PNKD: variants seen among roughly 807,000 people sequenced by gnomAD.
The protein encoded by PNKD is probable thioesterase PNKD.
A neutral mutation model predicts 45.3 loss-of-function variants in PNKD; 36 were observed. The observed-to-expected ratio is 0.80, with a 90% CI of 0.61 to 1.05. The LOEUF (loss-of-function observed/expected upper bound fraction) is 1.05. Ranked by LOEUF, PNKD falls within the 50% of genes least tolerant of loss-of-function variation. The probability of loss-of-function intolerance (pLI) is 0.00; values close to 1 mark genes in which losing one functional copy is unlikely to be tolerated. For synonymous variants in PNKD, 197 were observed against 210.1 expected (o/e 0.94, Z 0.54); for missense variants, 511 against 506.6 (o/e 1.01, Z -0.08).
At chr2:218,302,305 G>A (rs574730305) in intron 2 of PNKD, among the ~76,000 whole-genome samples, 9 of 152,054 alleles carry the variant, frequency 5.9e-5, no homozygotes, top group East Asian at 1.9e-4. Flanking sequence ...CTGAGATAGC[G>A]CCACTGCACT....
At chr2:218,288,891 C>G (rs1003079723) in intron 2 of PNKD, among the ~76,000 whole-genome samples, 17 of 152,306 alleles carry the variant, frequency 1.1e-4, no homozygotes, top group African/African-American at 4.1e-4. Flanking sequence ...TAAGGCACAT[C>G]TGATCCTTGC....
At chr2:218,270,916 C>T (rs1690804201) in intron 1 of PNKD, 2 of 360,932 alleles carry the variant, frequency 5.5e-6, no homozygotes, top group Admixed American at 4.5e-5. Flanking sequence ...GTTTGAGTTC[C>T]AGCCCCGGAT....
At chr2:218,271,299 T>A in intron 1 of PNKD, 82 bp from the exon 2 acceptor site, 1 of 1,174,746 alleles carries the variant, frequency 8.5e-7, no homozygotes, top group African/African-American at 1.5e-5. Context: ...CAGCCGCTCC[T>A]CCCAAGCCCT....
At chr2:218,307,504 G>A (rs765638127) in intron 2 of PNKD, among the ~76,000 whole-genome samples, 3 of 152,108 alleles carry the variant, frequency 2.0e-5, no homozygotes, top group Non-Finnish European at 4.4e-5. Flanking sequence ...ACAATAGGGT[G>A]CGAGCTCCTA....
intron 2 of PNKD, among the ~76,000 whole-genome samples, chr2:218,281,543 A>G (rs952062864): frequency 6.6e-6 from 1 of 152,216 alleles, no homozygotes; most frequent in African/African-American, 2.4e-5. Context: ...AGGATGAGGA[A>G]AGTGGTTCAG....
At chr2:218,319,127 G>T (rs1693905904) in intron 2 of PNKD, among the ~76,000 whole-genome samples, 1 of 150,950 alleles carries the variant, frequency 6.6e-6, no homozygotes, top group African/African-American at 2.4e-5. Flanking sequence ...GCTAACTTTT[G>T]TATTTTTAGT....
intron 2 of PNKD, among the ~76,000 whole-genome samples, chr2:218,308,689 C>A (rs958264446): frequency 3.3e-5 from 5 of 150,790 alleles, no homozygotes; most frequent in African/African-American, 9.8e-5. Context: ...CGGGTTCAAG[C>A]GATTCTCCTG....
intron 2 of PNKD, chr2:218,287,367 G>C (rs559360943): frequency 7.9e-5 from 12 of 152,268 alleles, no homozygotes; most frequent in African/African-American, 2.9e-4. Context: ...GGAGGGGCCA[G>C]AACAAGCTAC....
chr2:218,309,190 G>A (rs985451641), intron 2 of PNKD, among the ~76,000 whole-genome samples: 1 of 151,944 alleles, frequency 6.6e-6, no homozygotes, highest in Non-Finnish European at 1.5e-5. Context: ...CGTAGAAATG[G>A]GGTTTCACAG....
intron 2 of PNKD, chr2:218,292,514 C>T (rs2106245095): frequency 6.6e-6 from 1 of 152,208 alleles, no homozygotes; most frequent in Admixed American, 6.5e-5. Context: ...GTTGCAAGTC[C>T]TCCGGGGCCG....
At chr2:218,332,119 A>G (rs1694344287) in intron 2 of PNKD, among the ~76,000 whole-genome samples, 1 of 152,220 alleles carries the variant, frequency 6.6e-6, no homozygotes, top group Non-Finnish European at 1.5e-5. Flanking sequence ...ACTTTTGAGC[A>G]GGAGCAAGTC....
At chr2:218,328,032 G>A (rs897877) in intron 2 of PNKD, 72,662 of 150,472 alleles carry the variant, frequency 0.48, 18,838 homozygotes, top group African/African-American at 0.69. Context: ...AAACTCCTCC[G>A]GCGAGTTCCC....
intron 2 of PNKD, chr2:218,275,265 G>A: frequency 1.9e-6 from 1 of 528,274 alleles, no homozygotes; most frequent in Non-Finnish European, 3.1e-6. Context: ...AGCCCACCAA[G>A]AGCAACAGTT....
At chr2:218,337,728 G>A (rs1277895541) in intron 2 of PNKD, among the ~76,000 whole-genome samples, 1 of 152,178 alleles carries the variant, frequency 6.6e-6, no homozygotes, top group Admixed American at 6.5e-5. Flanking sequence ...CATGGGCATT[G>A]CAGACTCTGT....
Position 218,315,025 on chromosome 2 carries a change from T to A in PNKD, c.237-24758T>A, listed in dbSNP as rs1033456258. 2.8e-3 allele frequency among the ~76,000 whole-genome samples: 3 copies of A among 1,064 alleles called. No homozygotes were observed. In the Admixed American group the frequency reaches 0.071, roughly 25 times the overall value. The allele number at this position is 1,064 out of a possible 152,430, so 0.7% of individuals were successfully genotyped here. A position where few individuals can be genotyped will look rare whatever the true frequency, so the allele number is the denominator to read the frequency against. ...TTCTTTCTTTCTTTTTCTTTCTTTCTTTCTTTCTTTCTTTTTCTTTCTTTC... is the reference window on the plus strand; with the variant it reads ...TTCTTTCTTTCTTTTTCTTTCTTTCATTCTTTCTTTCTTTTTCTTTCTTTC... On this transcript the variant is annotated intron_variant, in intron 2 of 9. Coordinates refer to ENST00000273077, the MANE Select transcript of PNKD (RefSeq NM_015488.5).
chr2:218,278,973 G>A, intron 2 of PNKD: 1 of 1,589,930 alleles, frequency 6.3e-7, no homozygotes, highest in Non-Finnish European at 8.6e-7. Context: ...AGCAAAGCTG[G>A]TCACCTAGAA....
chr2:218,296,225 C>T (rs1309304805), intron 2 of PNKD, among the ~76,000 whole-genome samples: 1 of 152,196 alleles, frequency 6.6e-6, no homozygotes, highest in Non-Finnish European at 1.5e-5. Context: ...AAAAAGTACT[C>T]ATTGCTTATC....
At chr2:218,311,608 G>A (rs560549145) in intron 2 of PNKD, among the ~76,000 whole-genome samples, 91 of 152,280 alleles carry the variant, frequency 6.0e-4, no homozygotes, top group Non-Finnish European at 1.1e-3. Flanking sequence ...AGCAAAGAGC[G>A]ACAGAGCAGT....
chr2:218,282,900 G>A (rs1692170596), intron 2 of PNKD, among the ~76,000 whole-genome samples: 1 of 152,218 alleles, frequency 6.6e-6, no homozygotes, highest in African/African-American at 2.4e-5. Context: ...AATAACAGCG[G>A]TGGCGTGTCA....
Sources: gnomAD v4.1 joint callset for allele counts (sites outside exome capture counted in the v4.1 genomes callset) on GRCh38, gnomAD v4.1.1 for gene constraint, MANE v1.5 for transcripts, NCBI Gene and HGNC (gene_info 2026-07-23, HGNC 2026-07-21) for gene names.